Variants in PROM1 observed in about 807,000 individuals in gnomAD.
PROM1 encodes the protein prominin 1.
A neutral mutation model predicts 116.9 loss-of-function variants in PROM1; 105 were observed. The ratio of observed to expected loss-of-function variants is 0.90; its 90% confidence interval spans 0.77 to 1.06. The LOEUF is 1.06. Among genes scored for constraint, PROM1 ranks in the 50% least tolerant of loss-of-function variants. The pLI is 0.00. For synonymous variants in PROM1, 393 were observed against 387.0 expected, an observed-to-expected ratio of 1.02 and a Z score of -0.18; for missense variants, 1,122 against 1,045.2, an observed-to-expected ratio of 1.07 and a Z score of -1.01.
chr4:16,039,017 C>T lies in PROM1; in HGVS notation c.221-16G>A, dbSNP rs1203173727. The T allele has an allele frequency of 6.8e-7, 1 of 1,466,676 alleles. No individual in the cohort carries two copies. 90.9% of individuals were successfully genotyped at this position (1,466,676 alleles called of 1,614,324 possible). A position where few individuals can be genotyped will look rare whatever the true frequency, so the allele number is the denominator to read the frequency against. On this transcript the variant is annotated splice_polypyrimidine_tract_variant and intron_variant, in intron 2 of 27. Coordinates refer to ENST00000447510, the MANE Select transcript of PROM1 (RefSeq NM_006017.3). ...CTCAAAGTATCTGGAAAAAAAGCCA[C>T]AAAATAGCAATATTATTTTTTCAGT...
intron 15 of PROM1, among the ~76,000 whole-genome samples, chr4:15,997,315 T>C (rs969056911): frequency 6.8e-6 from 1 of 147,936 alleles, no homozygotes; most frequent in Non-Finnish European, 1.5e-5. Context: ...CAAACATATA[T>C]ATATATATAT....
intron 1 of PROM1, chr4:16,081,980 C>A (rs954432335): frequency 7.2e-5 from 11 of 152,096 alleles, no homozygotes; most frequent in African/African-American, 2.7e-4. Context: ...TAAGGGGGCT[C>A]TGGTCCCCCT....
intron 1 of PROM1, chr4:16,082,332 T>A (rs954764934): frequency 6.6e-6 from 1 of 152,010 alleles, no homozygotes; most frequent in South Asian, 2.1e-4. Context: ...TCGCAGCGGT[T>A]GTTCGTGTCG....
intron 9 of PROM1, among the ~76,000 whole-genome samples, chr4:16,017,588 A>G (rs1728723178): frequency 6.6e-6 from 1 of 152,240 alleles, no homozygotes; most frequent in Admixed American, 6.5e-5. Flanking sequence ...TGGGAGGCTA[A>G]GGCAGGCAGA....
chr4:15,987,036 T>C (rs116202891), intron 20 of PROM1, among the ~76,000 whole-genome samples: 1,588 of 152,348 alleles, frequency 0.01, 25 homozygotes, highest in African/African-American at 0.036. Flanking sequence ...GCATTAGCTG[T>C]TCAGGATTAT....
At chr4:16,049,303 T>G (rs1445190867) in intron 2 of PROM1, among the ~76,000 whole-genome samples, 1 of 152,212 alleles carries the variant, frequency 6.6e-6, no homozygotes, top group Non-Finnish European at 1.5e-5. Flanking sequence ...GCTGTGAGAA[T>G]GTGAATCAGC....
intron 23 of PROM1, among the ~76,000 whole-genome samples, chr4:15,983,474 T>A (rs1180933204): frequency 6.6e-6 from 1 of 151,588 alleles, no homozygotes; most frequent in Non-Finnish European, 1.5e-5. Context: ...CCTGGAGGAG[T>A]TAGGTCTTAA....
intron 16 of PROM1, among the ~76,000 whole-genome samples, chr4:15,993,505 CT>C (rs1577897667): frequency 6.6e-6 from 1 of 152,172 alleles, no homozygotes; most frequent in Non-Finnish European, 1.5e-5. Context: ...GGCTTCCATC[CT>C]TTGCTTTAGT....
chr4:16,067,326 A>G (rs1329060822), intron 2 of PROM1, among the ~76,000 whole-genome samples: 1 of 152,156 alleles, frequency 6.6e-6, no homozygotes, highest in African/African-American at 2.4e-5. Flanking sequence ...AGTGGCAATT[A>G]TGACTTGCCT....
chr4:16,030,398 C>A (rs1034867103), intron 5 of PROM1, among the ~76,000 whole-genome samples: 2 of 152,088 alleles, frequency 1.3e-5, no homozygotes, highest in Non-Finnish European at 2.9e-5. Flanking sequence ...TCTAAAATTA[C>A]AATTTTCACA....
At chr4:16,007,742 C>A (rs149677660) in intron 12 of PROM1, among the ~76,000 whole-genome samples, 1 of 152,170 alleles carries the variant, frequency 6.6e-6, no homozygotes, top group East Asian at 1.9e-4. Flanking sequence ...TGGTACTATT[C>A]TTTCTCGTTT....
intron 10 of PROM1, among the ~76,000 whole-genome samples, chr4:16,013,681 G>C (rs917279754): frequency 2.0e-5 from 3 of 152,076 alleles, no homozygotes; most frequent in Non-Finnish European, 4.4e-5. Context: ...TCTCAACTAG[G>C]GTATGTTTGG....
At chr4:16,008,122 A>G (rs1725969548) in intron 12 of PROM1, among the ~76,000 whole-genome samples, 1 of 152,218 alleles carries the variant, frequency 6.6e-6, no homozygotes, top group Non-Finnish European at 1.5e-5. Flanking sequence ...TATAATTTTA[A>G]TTACGTATCC....
intron 2 of PROM1, among the ~76,000 whole-genome samples, chr4:16,068,512 C>T (rs1742063602): frequency 6.6e-6 from 1 of 152,170 alleles, no homozygotes; most frequent in South Asian, 2.1e-4. Context: ...CCCTGTCTTA[C>T]AAGGAAAGTA....
At chr4:16,060,477 C>A (rs996417987) in intron 2 of PROM1, among the ~76,000 whole-genome samples, 1 of 152,016 alleles carries the variant, frequency 6.6e-6, no homozygotes, top group Non-Finnish European at 1.5e-5. Flanking sequence ...CCACGCCCGG[C>A]TAATTTTTGC....
intron 8 of PROM1, among the ~76,000 whole-genome samples, chr4:16,020,902 T>C (rs937436885): frequency 3.9e-5 from 6 of 152,178 alleles, no homozygotes; most frequent in Non-Finnish European, 5.9e-5. Flanking sequence ...GGATCATATA[T>C]GTTATGTATC....
intron 27 of PROM1, among the ~76,000 whole-genome samples, chr4:15,970,627 C>T (rs371752105): frequency 4.6e-5 from 7 of 151,756 alleles, no homozygotes; most frequent in African/African-American, 1.5e-4. Flanking sequence ...GTCACTGTAT[C>T]GTATGTATAC....
intron 15 of PROM1, among the ~76,000 whole-genome samples, 200 bp from the exon 16 acceptor site, chr4:15,994,271 C>T (rs1721775109): frequency 6.6e-6 from 1 of 152,184 alleles, no homozygotes; most frequent in Admixed American, 6.5e-5. Context: ...TACTAACAGT[C>T]CTGTTCTTGG....
intron 15 of PROM1, among the ~76,000 whole-genome samples, chr4:15,996,298 T>C (rs1184478191): frequency 1.3e-5 from 2 of 152,128 alleles, no homozygotes; most frequent in African/African-American, 4.8e-5. Flanking sequence ...TCACCTGAGG[T>C]CAAGAGTTCG....
Sources: gnomAD v4.1 joint callset for allele counts (sites outside exome capture counted in the v4.1 genomes callset) on GRCh38, gnomAD v4.1.1 for gene constraint, MANE v1.5 for transcripts, NCBI Gene and HGNC (gene_info 2026-07-23, HGNC 2026-07-21) for gene names.